The following ARHGEF3 variants were observed in gnomAD, a reference collection of about 807,000 sequenced individuals.
ARHGEF3 encodes 59.8 kDA protein.
A neutral mutation model predicts 63.2 loss-of-function variants in ARHGEF3; 28 were observed. The observed-to-expected ratio is 0.44, with a 90% CI of 0.33 to 0.61. The LOEUF (loss-of-function observed/expected upper bound fraction) is 0.61. Among genes scored for constraint, ARHGEF3 ranks in the 20% least tolerant of loss-of-function variants. The pLI, the probability that ARHGEF3 is intolerant of heterozygous loss-of-function variation, is 0.03. For missense variants in ARHGEF3, 533 were observed against 659.3 expected, an observed-to-expected ratio of 0.81 and a Z score of 2.10; for synonymous variants, 266 against 254.2, an observed-to-expected ratio of 1.05 and a Z score of -0.44.
intron 2 of ARHGEF3, 21 bp downstream of exon 2, chr3:56,773,688 G>C (rs1454511330): frequency 6.5e-7 from 1 of 1,548,174 alleles, no homozygotes; most frequent in East Asian, 2.3e-5. Flanking sequence ...TGCAACCACA[G>C]GCCCTGTGTG....
chr3:56,793,533 G>A (rs984670793), intron 1 of ARHGEF3, among the ~76,000 whole-genome samples: 87 of 152,094 alleles, frequency 5.7e-4, no homozygotes, highest in African/African-American at 2.0e-3. Flanking sequence ...GAACTCCTAA[G>A]CTCAGGTGAT....
chr3:56,911,691 C>T (rs950370742), intron 3 of ARHGEF3, among the ~76,000 whole-genome samples: 11 of 152,200 alleles, frequency 7.2e-5, no homozygotes, highest in Admixed American at 6.5e-4. Context: ...CTTTAAAATG[C>T]AGTCTCCACC....
chr3:56,805,250 T>C (rs952639943), upstream of ARHGEF3, among the ~76,000 whole-genome samples: 2 of 152,206 alleles, frequency 1.3e-5, no homozygotes, highest in Non-Finnish European at 2.9e-5. Context: ...TATTTTATTT[T>C]TTTGAGACAG....
chr3:57,042,455 G>A (rs150628953), intron 1 of ARHGEF3, among the ~76,000 whole-genome samples: 124 of 151,738 alleles, frequency 8.2e-4, no homozygotes, highest in African/African-American at 2.9e-3. Context: ...ATGAGAGCCA[G>A]CACATACTAG....
intron 2 of ARHGEF3, among the ~76,000 whole-genome samples, chr3:56,968,067 TA>T: frequency 2.0e-5 from 1 of 50,362 alleles, no homozygotes; most frequent in African/African-American, 7.7e-5. Flanking sequence ...ATATAATATA[TA>T]TAATATATTA....
chr3:56,900,714 C>T (rs1398254008), intron 3 of ARHGEF3, among the ~76,000 whole-genome samples: 1 of 152,222 alleles, frequency 6.6e-6, no homozygotes, highest in Non-Finnish European at 1.5e-5. Context: ...ACAATGTAGA[C>T]AATTTATAGA....
rs9845664 is a variant in ARHGEF3 at position 57,007,374 on chromosome 3, C to T, written c.62+27714G>A. 1.9e-3 allele frequency: 2,497 copies of T among 1,288,470 alleles called. 46 individuals are homozygous for T. The African/African-American group carries it at 0.032, about 17-fold the overall frequency. 79.8% of individuals were successfully genotyped at this position (1,288,470 alleles called of 1,614,324 possible). A position where few individuals can be genotyped will look rare whatever the true frequency, so the allele number is the denominator to read the frequency against. ...CAGCCATGAAACAGTCACCACTGCA[C>T]GTGCCTTCTGCTGAGGCTGAGCTGG... On this transcript the variant is annotated intron_variant, in intron 2 of 12. Transcript: ENST00000338458.
chr3:56,801,945 C>T lies in ARHGEF3; in HGVS notation c.-147G>A. On this transcript the variant is annotated 5_prime_UTR_variant, in exon 1 of 10. Transcript: ENST00000296315. ...AGCCGGCTTCTAGCCGGGCAGGACT[C>T]GACTGGGCTCCGGAGCCGAGTGGGC... The T allele has an allele frequency of 6.6e-7, 1 of 1,518,566 alleles. No homozygotes were observed. Among genetic ancestry groups the T allele is most frequent in the African/African-American group, 1.4e-5 (1 of 72,474 alleles). 94.1% of individuals were successfully genotyped at this position (1,518,566 alleles called of 1,614,324 possible). A position where few individuals can be genotyped will look rare whatever the true frequency, so the allele number is the denominator to read the frequency against.
intron 4 of ARHGEF3, among the ~76,000 whole-genome samples, chr3:56,869,973 T>C (rs1025548177): frequency 6.6e-6 from 1 of 152,016 alleles, no homozygotes; most frequent in Non-Finnish European, 1.5e-5. Flanking sequence ...TTTATATATA[T>C]ATATATTTTA....
chr3:56,926,904 C>T (rs967332110), intron 3 of ARHGEF3, among the ~76,000 whole-genome samples: 3 of 152,212 alleles, frequency 2.0e-5, no homozygotes, highest in Middle Eastern at 3.2e-3. Context: ...CCCTTTGAGG[C>T]TGAGAGGGAC....
At chr3:56,979,564 T>C (rs1221156778) in intron 2 of ARHGEF3, among the ~76,000 whole-genome samples, 1 of 152,220 alleles carries the variant, frequency 6.6e-6, no homozygotes, top group Non-Finnish European at 1.5e-5. Flanking sequence ...CCGGGGTCTG[T>C]GAGCAAGGCC....
At chr3:56,829,704 A>T (rs2038861107) in intron 4 of ARHGEF3, among the ~76,000 whole-genome samples, 1 of 150,760 alleles carries the variant, frequency 6.6e-6, no homozygotes, top group African/African-American at 2.4e-5. Context: ...ATGCTGATTT[A>T]AAATCCTGAA....
intron 8 of ARHGEF3, 50 bp from the exon 9 acceptor site, chr3:56,732,474 G>A: frequency 3.8e-6 from 6 of 1,597,426 alleles, no homozygotes; most frequent in Non-Finnish European, 5.1e-6. Context: ...TGTAATGAGT[G>A]GTTGATATGT....
chr3:56,890,133 C>T (rs2041069678), intron 3 of ARHGEF3, among the ~76,000 whole-genome samples: 1 of 152,046 alleles, frequency 6.6e-6, no homozygotes, highest in Admixed American at 6.6e-5. Flanking sequence ...TAAAAAGACC[C>T]ACAAGGCATT....
intron 3 of ARHGEF3, among the ~76,000 whole-genome samples, chr3:56,945,837 G>T (rs1156857788): frequency 6.6e-6 from 1 of 152,180 alleles, no homozygotes; most frequent in African/African-American, 2.4e-5. Context: ...CTCCTCAAGT[G>T]GGTCCCTGAC....
chr3:56,825,086 G>A (rs1559971254), intron 4 of ARHGEF3, among the ~76,000 whole-genome samples: 1 of 152,194 alleles, frequency 6.6e-6, no homozygotes, highest in Non-Finnish European at 1.5e-5. Context: ...CTGGGTGAGT[G>A]AGTAATCTTT....
Position 56,773,729 on chromosome 3 carries a change from G to A in ARHGEF3, c.184C>T (p.Arg62Cys), listed in dbSNP as rs551299003. The A allele has an allele frequency of 8.8e-6, 14 of 1,590,730 alleles. No individual in the cohort carries two copies. Among genetic ancestry groups the A allele is most frequent in the East Asian group, 2.3e-5 (1 of 44,058 alleles). Reference sequence around the variant, plus strand: ...CTTACCTGCAGGGTTTGACTGAAGCGCTTTAATGGCGTGGCCTTCACGGGC... The same window carrying A: ...CTTACCTGCAGGGTTTGACTGAAGCACTTTAATGGCGTGGCCTTCACGGGC... Reference protein sequence around the residue: ...IPPVKATPLKRFSQTLQRSIS... With the variant: ...IPPVKATPLKCFSQTLQRSIS... Residue 62 changes from arginine to cysteine, a missense_variant, in exon 2 of 10, where the codon CGC becomes TGC. Coordinates refer to ENST00000296315, the MANE Select transcript of ARHGEF3 (RefSeq NM_019555.3).
At chr3:57,047,185 T>C (rs2107287128) in intron 1 of ARHGEF3, among the ~76,000 whole-genome samples, 1 of 152,156 alleles carries the variant, frequency 6.6e-6, no homozygotes, top group Admixed American at 6.5e-5. Flanking sequence ...CCGTCTCCAC[T>C]AAAACTACAA....
Position 56,956,418 on chromosome 3 carries a change from G to A in ARHGEF3, c.129+2405C>T, listed in dbSNP as rs150821139. The stretch of plus-strand genomic sequence containing the variant: ...CAGTGCCCAGCAAATTAATGTGACT[G>A]TTGTGTTAGAGAGATTTGGCAAGGA... On this transcript the variant is annotated intron_variant, in intron 3 of 12. Transcript: ENST00000338458. Among the ~76,000 whole-genome samples the A allele has an allele frequency of 9.2e-5, 14 of 152,238 alleles. No homozygotes were observed. In the East Asian group the frequency reaches 2.5e-3, roughly 27 times the overall value.
Sources: gnomAD v4.1 joint callset for allele counts (sites outside exome capture counted in the v4.1 genomes callset) on GRCh38, gnomAD v4.1.1 for gene constraint, MANE v1.5 for transcripts, NCBI Gene and HGNC (gene_info 2026-07-23, HGNC 2026-07-21) for gene names.